The following OR4Q3 variants were observed in gnomAD, a reference collection of about 807,000 sequenced individuals.
OR4Q3 encodes olfactory receptor family 4 subfamily Q member 3, also known as olfactory receptor 4Q3.
A neutral mutation model predicts 18.8 loss-of-function variants in OR4Q3; 17 were observed. The observed-to-expected ratio is 0.91, with a 90% confidence interval of 0.62 to 1.36. OR4Q3 has a LOEUF of 1.36. OR4Q3 is among the 40% of genes most tolerant of loss of function. The pLI is 0.00. For synonymous variants in OR4Q3, 158 were observed against 145.8 expected (o/e 1.08, Z -0.60); for missense variants, 378 against 373.4 (o/e 1.01, Z -0.10).
chr14:19,747,827 C>T, exon 2 of OR4Q3: 4 of 1,613,972 alleles, frequency 2.5e-6, no homozygotes, highest in African/African-American at 2.7e-5. Context: ...TTTGCGCTAC[C>T]TTACAGTCAT....
intron 1 of OR4Q3, among the ~76,000 whole-genome samples, chr14:19,745,156 T>C: frequency 0.025 from 3,814 of 151,656 alleles, 40 homozygotes; most frequent in Non-Finnish European, 0.042. Flanking sequence ...TTTTATATCA[T>C]TATTAATCCA....
chr14:19,750,718 T>C, downstream of OR4Q3, among the ~76,000 whole-genome samples: 2 of 152,234 alleles, frequency 1.3e-5, no homozygotes, highest in Admixed American at 6.5e-5. Context: ...TGTATGTGTA[T>C]ATGTATATAT....
At chr14:19,747,320 A>G in intron 1 of OR4Q3, 86 bp from the exon 2 acceptor site, 1 of 574,256 alleles carries the variant, frequency 1.7e-6, no homozygotes, top group Non-Finnish European at 2.6e-6. Flanking sequence ...TTTTTATGTA[A>G]TTTATATATT....
At chr14:19,745,232 T>C in intron 1 of OR4Q3, among the ~76,000 whole-genome samples, 1 of 152,222 alleles carries the variant, frequency 6.6e-6, no homozygotes, top group African/African-American at 2.4e-5. Flanking sequence ...TTCCTAATAT[T>C]AAATCTTACT....
chr14:19,749,910 TTTCTTTCTTTC>T, downstream of OR4Q3, among the ~76,000 whole-genome samples: 2 of 117,928 alleles, frequency 1.7e-5, no homozygotes, highest in Non-Finnish European at 3.8e-5. Flanking sequence ...TTCTTTCTTT[TTTCTTTCTTTC>T]TTTCTCTCTC....
exon 2 of OR4Q3, chr14:19,748,174 C>A: frequency 1.2e-6 from 2 of 1,614,004 alleles, no homozygotes; most frequent in African/African-American, 2.7e-5. Flanking sequence ...CAGTGGTCAG[C>A]CTGATCTTCG....
At chr14:19,752,240 C>A, downstream of OR4Q3, among the ~76,000 whole-genome samples, 3 of 152,222 alleles carry the variant, frequency 2.0e-5, no homozygotes, top group Middle Eastern at 3.4e-3. Flanking sequence ...GACAACTTAC[C>A]GAATGGGAGA....
Position 19,748,402 on chromosome 14 carries a change from A to C in OR4Q3, c.*33A>C. On this transcript the variant is annotated 3_prime_UTR_variant, in exon 2 of 2. Transcript: ENST00000642117. ...GCAGAAGAGGTGATTTGAAAAACACACTCTTTCTTGGAAGACTCTTAACTC... is the reference window on the plus strand; with the variant it reads ...GCAGAAGAGGTGATTTGAAAAACACCCTCTTTCTTGGAAGACTCTTAACTC... 4.0e-5 allele frequency: 59 copies of C among 1,487,202 alleles called. No individual in the cohort carries two copies. The African/African-American group carries it at 7.2e-4, about 18-fold the overall frequency. 92.1% of individuals were successfully genotyped at this position (1,487,202 alleles called of 1,614,324 possible). A position where few individuals can be genotyped will look rare whatever the true frequency, so the allele number is the denominator to read the frequency against.
In OR4Q3 at chr14:19,748,276, G is replaced by GA; in HGVS notation, c.875dup (p.Asn292LysfsTer11). On this transcript the variant is annotated frameshift_variant, in exon 2 of 2. Coordinates refer to ENST00000642117, the Ensembl canonical transcript of OR4Q3. LOFTEE classifies it high-confidence loss of function. ...TTTACACAGTGATTACACCTATGTTGAACCCCCTCATCTACACACTCAGAA... is the reference window on the plus strand; with the variant it reads ...TTTACACAGTGATTACACCTATGTTGAAACCCCCTCATCTACACACTCAGAA... 8 of 1,611,868 alleles carry GA rather than the reference G, an allele frequency of 5.0e-6. No individual in the cohort carries two copies. In the South Asian group the frequency reaches 7.7e-5, roughly 16 times the overall value.
At chr14:19,743,861 GAAA>G (rs1877370043) in intron 1 of OR4Q3, among the ~76,000 whole-genome samples, 190 bp downstream of exon 1, 1 of 152,126 alleles carries the variant, frequency 6.6e-6, no homozygotes, top group Admixed American at 6.6e-5. Flanking sequence ...ACAGAACAGT[GAAA>G]TTCCTATAGC....
downstream of OR4Q3, among the ~76,000 whole-genome samples, chr14:19,750,954 C>T: frequency 6.6e-6 from 1 of 152,334 alleles, no homozygotes; most frequent in South Asian, 2.1e-4. Context: ...GGAAACTGCC[C>T]AAGAGTACTG....
At chr14:19,747,453 T>G in exon 2 of OR4Q3, 1 of 1,607,632 alleles carries the variant, frequency 6.2e-7, no homozygotes, top group South Asian at 1.1e-5. Context: ...GATTCTAATG[T>G]GACAGAATTT....
downstream of OR4Q3, among the ~76,000 whole-genome samples, chr14:19,749,963 C>T: frequency 4.8e-4 from 68 of 141,906 alleles, no homozygotes; most frequent in African/African-American, 1.7e-3. Flanking sequence ...TTCTTTCTCT[C>T]TCTTTCTCTC....
chr14:19,747,984 T>C, exon 2 of OR4Q3: 4 of 1,614,092 alleles, frequency 2.5e-6, no homozygotes, highest in Non-Finnish European at 3.4e-6. Context: ...CCACAAGTCA[T>C]CAAGCTGGCC....
At chr14:19,747,287 C>G in intron 1 of OR4Q3, 119 bp from the exon 2 acceptor site, 1 of 466,670 alleles carries the variant, frequency 2.1e-6, no homozygotes, top group Non-Finnish European at 3.5e-6. Context: ...GCCTATATTA[C>G]CCGATAAAAC....
In OR4Q3 at chr14:19,745,888, A is replaced by T; in HGVS notation, c.3-1518A>T. On this transcript the variant is annotated intron_variant, in intron 1 of 1. Transcript: ENST00000642117. Reference sequence around the variant, plus strand: ...GATTCCTTCTATCAGTTATGAGATTATAGATTTAGATACACCTGTGCACTC... The same window carrying T: ...GATTCCTTCTATCAGTTATGAGATTTTAGATTTAGATACACCTGTGCACTC... Among the ~76,000 whole-genome samples the T allele has an allele frequency of 3.9e-5, 6 of 152,244 alleles. No homozygotes were observed. In the East Asian group the frequency reaches 1.2e-3, roughly 29 times the overall value.
Position 19,748,119 on chromosome 14 carries a change from G to T in OR4Q3, c.716G>T (p.Cys239Phe). ...CTGATCACCCTGAGAACACACTTCT[G>T]CCAGGGCCAGAACAAGGTCTTCTCT... is the stretch of plus-strand genomic sequence containing the variant. The change falls in exon 2 of 2, where the codon TGC becomes TTC. Residue 239 changes from cysteine (C) to phenylalanine (F), a missense_variant. By Grantham distance (205) the Cys-to-Phe change is radical. Coordinates refer to ENST00000642117, the Ensembl canonical transcript of OR4Q3. 1.2e-5 allele frequency: 19 copies of T among 1,613,914 alleles called. No individual in the cohort carries two copies. The African/African-American group carries it at 1.9e-4, about 16-fold the overall frequency.
At chr14:19,751,522 T>C, downstream of OR4Q3, among the ~76,000 whole-genome samples, 2 of 151,144 alleles carry the variant, frequency 1.3e-5, no homozygotes, top group African/African-American at 4.8e-5. Context: ...GGGCTTTTTT[T>C]GGTTAGTAGA....
chr14:19,747,740 C>G, exon 2 of OR4Q3: 1 of 1,613,614 alleles, frequency 6.2e-7, no homozygotes, highest in Non-Finnish European at 8.5e-7. Context: ...GATCTACTTC[C>G]TCCACTTTCT....
Sources: gnomAD v4.1 joint callset for allele counts (sites outside exome capture counted in the v4.1 genomes callset) on GRCh38, gnomAD v4.1.1 for gene constraint, MANE v1.5 for transcripts, NCBI Gene and HGNC (gene_info 2026-07-23, HGNC 2026-07-21) for gene names.